Variants in CNTN5 observed in about 807,000 individuals in gnomAD.
CNTN5 encodes contactin-5.
In CNTN5, 77 loss-of-function variants were observed where a neutral mutation model predicts 129.1. That is an observed-to-expected ratio of 0.60 (90% CI 0.50 to 0.72). CNTN5 has a LOEUF of 0.72. Among genes scored for constraint, CNTN5 ranks in the 30% least tolerant of loss-of-function variants. The probability of loss-of-function intolerance (pLI) is 0.00; values close to 1 mark genes in which losing one functional copy is unlikely to be tolerated. For missense variants in CNTN5, 1,478 were observed against 1,328.8 expected (o/e 1.11, Z -1.75); for synonymous variants, 509 against 465.6 (o/e 1.09, Z -1.20).
rs1006331183 is a variant in CNTN5, at chr11:100,037,472, G to T, written c.981-23740G>T. Reference sequence around the variant, plus strand: ...TGCCCGGGTTTGGTATCAGGATGATGCTGGCCTCATAAAATGAGTTAGGGA... The same window carrying T: ...TGCCCGGGTTTGGTATCAGGATGATTCTGGCCTCATAAAATGAGTTAGGGA... On this transcript the variant is annotated intron_variant, in intron 9 of 24. Coordinates refer to ENST00000524871, the MANE Select transcript of CNTN5 (RefSeq NM_014361.4). Among the ~76,000 whole-genome samples the T allele has an allele frequency of 6.1e-4, 93 of 152,158 alleles. No individual in the cohort carries two copies. In the East Asian group the frequency reaches 0.016, roughly 27 times the overall value.
chr11:99,903,432 CTA>C (rs1181834658), intron 6 of CNTN5, among the ~76,000 whole-genome samples: 1 of 151,882 alleles, frequency 6.6e-6, no homozygotes, highest in Non-Finnish European at 1.5e-5. Context: ...GAAAAAAAAA[CTA>C]TTTCTTTATG....
chr11:99,296,676 G>A (rs1591485428), intron 1 of CNTN5, among the ~76,000 whole-genome samples: 1 of 152,180 alleles, frequency 6.6e-6, no homozygotes, highest in African/African-American at 2.4e-5. Flanking sequence ...ACAGGGCCAG[G>A]AAAGTGGTTT....
chr11:100,107,116 C>T (rs576255050), intron 13 of CNTN5, among the ~76,000 whole-genome samples: 5 of 152,256 alleles, frequency 3.3e-5, no homozygotes, highest in Admixed American at 2.6e-4. Context: ...CTAGCTTAGA[C>T]ATTAACAAAG....
intron 1 of CNTN5, among the ~76,000 whole-genome samples, chr11:99,030,875 G>C (rs754934023): frequency 1.5e-4 from 22 of 150,334 alleles, no homozygotes; most frequent in Non-Finnish European, 2.9e-4. Flanking sequence ...CCGCCTCCCG[G>C]GTTCACGCCA....
intron 8 of CNTN5, among the ~76,000 whole-genome samples, chr11:99,976,254 C>A (rs1164006644): frequency 6.6e-6 from 1 of 152,222 alleles, no homozygotes; most frequent in East Asian, 1.9e-4. Flanking sequence ...CTCTTGGCTG[C>A]TTTCACAGGC....
intron 13 of CNTN5, among the ~76,000 whole-genome samples, chr11:100,096,605 C>T (rs554673990): frequency 1.3e-4 from 20 of 152,132 alleles, no homozygotes; most frequent in Admixed American, 1.2e-3. Flanking sequence ...GCCACCAAAA[C>T]GTACAAATTA....
intron 1 of CNTN5, among the ~76,000 whole-genome samples, chr11:99,256,529 G>A (rs891508546): frequency 1.1e-4 from 16 of 151,974 alleles, no homozygotes; most frequent in African/African-American, 3.9e-4. Context: ...ATTTCATAAG[G>A]CTTGGTGGTG....
At chr11:99,690,485 T>C (rs1953996806) in intron 3 of CNTN5, among the ~76,000 whole-genome samples, 1 of 152,158 alleles carries the variant, frequency 6.6e-6, no homozygotes, top group African/African-American at 2.4e-5. Flanking sequence ...AAGATAGTTT[T>C]CTCTTTTTCT....
chr11:99,090,215 C>G (rs1216216084), intron 1 of CNTN5, among the ~76,000 whole-genome samples: 1 of 152,092 alleles, frequency 6.6e-6, no homozygotes, highest in Non-Finnish European at 1.5e-5. Context: ...TCATTGACAT[C>G]AAGAACCACT....
chr11:100,153,288 G>A (rs12283236), intron 13 of CNTN5, among the ~76,000 whole-genome samples: 7,423 of 152,058 alleles, frequency 0.049, 579 homozygotes, highest in African/African-American at 0.17. Flanking sequence ...CCTGAGAATC[G>A]CAGAATGTTG....
intron 3 of CNTN5, among the ~76,000 whole-genome samples, chr11:99,579,200 G>T (rs184945273): frequency 6.6e-6 from 1 of 152,018 alleles, no homozygotes; most frequent in African/African-American, 2.4e-5. Flanking sequence ...ATCCTGTTTT[G>T]GTACCAGTAC....
intron 4 of CNTN5, among the ~76,000 whole-genome samples, chr11:99,844,353 G>A (rs911755042): frequency 1.3e-5 from 2 of 152,034 alleles, no homozygotes; most frequent in African/African-American, 4.8e-5. Flanking sequence ...CCCCAGAATT[G>A]TTAGCACTAA....
chr11:99,908,666 A>G lies in CNTN5; in HGVS notation c.578-7388A>G, dbSNP rs575461562. Among the ~76,000 whole-genome samples the G allele has an allele frequency of 3.9e-5, 6 of 152,168 alleles. No homozygotes were observed. The South Asian group carries it at 6.2e-4, about 16-fold the overall frequency. ...CTGATATACAACTTTTTCATTGTAGATTAGTTATCATTTGTATTATTCAGT... is the reference window on the plus strand; with the variant it reads ...CTGATATACAACTTTTTCATTGTAGGTTAGTTATCATTTGTATTATTCAGT... On this transcript the variant is annotated intron_variant, in intron 6 of 24. Coordinates refer to ENST00000524871, the MANE Select transcript of CNTN5 (RefSeq NM_014361.4).
At chr11:99,138,108 C>T (rs568704049) in intron 1 of CNTN5, among the ~76,000 whole-genome samples, 1 of 152,192 alleles carries the variant, frequency 6.6e-6, no homozygotes, top group African/African-American at 2.4e-5. Flanking sequence ...TTTATTTTTA[C>T]ATTTTGTATT....
chr11:99,565,908 A>AC (rs1948989869), intron 3 of CNTN5, among the ~76,000 whole-genome samples: 1 of 152,346 alleles, frequency 6.6e-6, no homozygotes, highest in African/African-American at 2.4e-5. Flanking sequence ...CATGTATGAC[A>AC]TCCGTTTAGG....
intron 1 of CNTN5, among the ~76,000 whole-genome samples, chr11:99,043,790 G>T (rs1371196777): frequency 6.6e-6 from 1 of 152,152 alleles, no homozygotes; most frequent in Non-Finnish European, 1.5e-5. Flanking sequence ...TAGGATATTA[G>T]ACGGCATTAA....
intron 2 of CNTN5, among the ~76,000 whole-genome samples, chr11:99,445,575 G>T (rs1416391201): frequency 6.6e-6 from 1 of 152,056 alleles, no homozygotes; most frequent in Non-Finnish European, 1.5e-5. Flanking sequence ...ATATGTAAAA[G>T]ACAATTTTTC....
rs147845083 is a variant in CNTN5 at position 99,769,541 on chromosome 11, T to C, written c.56-50003T>C. ...CCCCAAAATTCAGTATATGTACTTA[T>C]TTGATTTGCCTTACATATAGATGAA... On this transcript the variant is annotated intron_variant, in intron 3 of 24. Coordinates refer to ENST00000524871, the MANE Select transcript of CNTN5 (RefSeq NM_014361.4). 6.6e-3 allele frequency among the ~76,000 whole-genome samples: 1,008 copies of C among 152,258 alleles called. 10 individuals carry two copies. Among genetic ancestry groups the C allele is most frequent in the African/African-American group, 0.023 (945 of 41,546 alleles).
chr11:99,722,464 C>G (rs1289380659), intron 3 of CNTN5, among the ~76,000 whole-genome samples: 1 of 151,954 alleles, frequency 6.6e-6, no homozygotes, highest in Non-Finnish European at 1.5e-5. Flanking sequence ...AAAATAGACA[C>G]TGGGGTCTAC....
Sources: allele counts gnomAD v4.1 joint callset (sites outside exome capture counted in the v4.1 genomes callset), GRCh38; gene constraint gnomAD v4.1.1; transcripts MANE v1.5; gene names NCBI Gene and HGNC (gene_info 2026-07-23, HGNC 2026-07-21).